Variants in THSD7A observed in about 807,000 individuals in gnomAD.
The protein encoded by THSD7A is thrombospondin type-1 domain-containing protein 7A.
In THSD7A, 96 loss-of-function variants were observed where a neutral mutation model predicts 231.3. The ratio of observed to expected loss-of-function variants is 0.41; its 90% confidence interval spans 0.35 to 0.49. The LOEUF (loss-of-function observed/expected upper bound fraction) is 0.49, where lower values mean the gene tolerates loss of function less well. THSD7A is among the 20% of genes least tolerant of loss of function. The probability of loss-of-function intolerance (pLI) is 0.05; values close to 1 mark genes in which losing one functional copy is unlikely to be tolerated. For missense variants in THSD7A, 2,290 were observed against 2,070.2 expected (o/e 1.11, Z -2.06); for synonymous variants, 940 against 743.3 (o/e 1.26, Z -4.30).
chr7:11,697,567 G>C (rs1780441038), intron 1 of THSD7A, among the ~76,000 whole-genome samples: 1 of 150,998 alleles, frequency 6.6e-6, no homozygotes, highest in Non-Finnish European at 1.5e-5. Flanking sequence ...TTTATATCAA[G>C]ACCCAAGCAG....
At chr7:11,530,518 C>T (rs530090836) in intron 6 of THSD7A, among the ~76,000 whole-genome samples, 1 of 152,018 alleles carries the variant, frequency 6.6e-6, no homozygotes, top group Admixed American at 6.6e-5. Flanking sequence ...TGATACCTAC[C>T]CCATAGTAAG....
chr7:11,761,463 G>T (rs920543691), intron 1 of THSD7A, among the ~76,000 whole-genome samples: 2 of 151,658 alleles, frequency 1.3e-5, no homozygotes, highest in African/African-American at 4.8e-5. Context: ...TTCATAAAGG[G>T]CATCATTTCA....
At chr7:11,540,572 G>A (rs1490802394) in intron 6 of THSD7A, among the ~76,000 whole-genome samples, 3 of 152,216 alleles carry the variant, frequency 2.0e-5, no homozygotes, top group Non-Finnish European at 2.9e-5. Flanking sequence ...GATGTGCAGA[G>A]TCATAGGATT....
chr7:11,599,873 C>T (rs1780491289), intron 2 of THSD7A, among the ~76,000 whole-genome samples: 1 of 151,558 alleles, frequency 6.6e-6, no homozygotes, highest in African/African-American at 2.4e-5. Context: ...CCTTTCATCT[C>T]GGTGGGCACC....
At chr7:11,793,699 T>A (rs942708258) in intron 1 of THSD7A, among the ~76,000 whole-genome samples, 9 of 151,830 alleles carry the variant, frequency 5.9e-5, no homozygotes, top group Non-Finnish European at 1.0e-4. Context: ...ATACTATATT[T>A]TTCAATTAAG....
At chr7:11,730,503 G>A (rs1402703438) in intron 1 of THSD7A, among the ~76,000 whole-genome samples, 1 of 151,434 alleles carries the variant, frequency 6.6e-6, no homozygotes, top group Non-Finnish European at 1.5e-5. Flanking sequence ...ATTTAATTGT[G>A]ATACAAATAT....
At chr7:11,597,056 C>T (rs1780388197) in intron 2 of THSD7A, among the ~76,000 whole-genome samples, 1 of 152,240 alleles carries the variant, frequency 6.6e-6, no homozygotes, top group Non-Finnish European at 1.5e-5. Flanking sequence ...TGGTCCATTA[C>T]ATTGATGACA....
At chr7:11,611,787 A>C (rs946630324) in intron 2 of THSD7A, among the ~76,000 whole-genome samples, 1 of 138,686 alleles carries the variant, frequency 7.2e-6, no homozygotes, top group Non-Finnish European at 1.6e-5. Flanking sequence ...AGTACCATAA[A>C]ACACACACAC....
intron 2 of THSD7A, among the ~76,000 whole-genome samples, chr7:11,610,890 C>T (rs1030962185): frequency 5.9e-5 from 9 of 152,088 alleles, no homozygotes; most frequent in Admixed American, 5.2e-4. Context: ...AAGATGTGTA[C>T]TTCACAAACT....
In THSD7A at chr7:11,629,932, C is replaced by G. The variant is rs150924489; in HGVS notation, c.1022+6198G>C. On this transcript the variant is annotated intron_variant, in intron 2 of 27. Coordinates refer to ENST00000423059, the MANE Select transcript of THSD7A (RefSeq NM_015204.3). ...CCCTCTCTACCTCATCATTGCCTATCCCAGAACACGTATGGTTTACAGATG... is the reference window on the plus strand; with the variant it reads ...CCCTCTCTACCTCATCATTGCCTATGCCAGAACACGTATGGTTTACAGATG... Among the ~76,000 whole-genome samples, 463 of 152,284 alleles carry G rather than the reference C, an allele frequency of 3.0e-3. 2 individuals are homozygous for G. The highest frequency in any genetic ancestry group is 0.01 in the African/African-American group (435 of 41,548).
At chr7:11,440,119 C>G (rs369105242) in intron 13 of THSD7A, among the ~76,000 whole-genome samples, 8 of 151,988 alleles carry the variant, frequency 5.3e-5, no homozygotes, top group African/African-American at 1.9e-4. Context: ...CAAGCTAAAT[C>G]TACTCTGCTT....
rs779728721 is a variant in THSD7A at position 11,377,954 on chromosome 7, T to C, written c.4801+1116A>G. ...TTGCTACTGGTTGTCTGCTAGTCCA[T>C]TGTCTTAAACACTGAGGGAAGAGTT... On this transcript the variant is annotated intron_variant, in intron 26 of 27. Transcript: ENST00000423059. This position sits in a 1 kb window ranked among gnomAD's most constrained non-coding sequence, Gnocchi z 4.5. 6.6e-6 allele frequency: 1 copy of C among 152,110 alleles called. No individual in the cohort carries two copies. Among genetic ancestry groups the C allele is most frequent in the Non-Finnish European group, 1.5e-5 (1 of 68,004 alleles). 9.4% of individuals were successfully genotyped at this position (152,110 alleles called of 1,614,324 possible). A position where few individuals can be genotyped will look rare whatever the true frequency, so the allele number is the denominator to read the frequency against.
intron 1 of THSD7A, among the ~76,000 whole-genome samples, chr7:11,686,015 C>T (rs910377007): frequency 6.6e-6 from 1 of 151,864 alleles, no homozygotes; most frequent in Non-Finnish European, 1.5e-5. Flanking sequence ...ACATATACAC[C>T]ATGGAATACT....
intron 10 of THSD7A, among the ~76,000 whole-genome samples, chr7:11,461,467 G>A (rs1785502882): frequency 6.6e-6 from 1 of 152,074 alleles, no homozygotes; most frequent in African/African-American, 2.4e-5. Flanking sequence ...ATCATAAGGA[G>A]GTAAAATTTC....
chr7:11,653,623 G>A (rs1314686277), intron 1 of THSD7A, among the ~76,000 whole-genome samples: 1 of 151,954 alleles, frequency 6.6e-6, no homozygotes, highest in East Asian at 1.9e-4. Flanking sequence ...AGTCTCCTGA[G>A]TAGCTGGAAC....
intron 11 of THSD7A, among the ~76,000 whole-genome samples, chr7:11,455,196 T>C (rs1785267956): frequency 7.9e-5 from 12 of 152,006 alleles, no homozygotes; most frequent in Admixed American, 7.9e-4. Flanking sequence ...AGTCAGGAAA[T>C]AGGTCTTCGT....
At chr7:11,574,648 G>A (rs1329446513) in intron 4 of THSD7A, among the ~76,000 whole-genome samples, 3 of 151,424 alleles carry the variant, frequency 2.0e-5, no homozygotes, top group African/African-American at 7.3e-5. Context: ...ATGTTAGCCA[G>A]GATGGTCTCG....
At chr7:11,450,110 A>T (rs1785096880) in intron 11 of THSD7A, among the ~76,000 whole-genome samples, 1 of 152,036 alleles carries the variant, frequency 6.6e-6, no homozygotes, top group East Asian at 1.9e-4. Context: ...TTCTCTCTTA[A>T]GGGTCTTTCT....
chr7:11,669,491 A>T (rs1453299402), intron 1 of THSD7A, among the ~76,000 whole-genome samples: 1 of 151,972 alleles, frequency 6.6e-6, no homozygotes, highest in Non-Finnish European at 1.5e-5. Context: ...GCTGTTATTT[A>T]AGAGTGCATA....
Sources: allele counts gnomAD v4.1 joint callset (sites outside exome capture counted in the v4.1 genomes callset), GRCh38; gene constraint gnomAD v4.1.1; non-coding constraint Gnocchi (gnomAD v3.1); transcripts MANE v1.5; gene names NCBI Gene and HGNC (gene_info 2026-07-23, HGNC 2026-07-21).